LRMDA: variants seen among roughly 807,000 people sequenced by gnomAD.
LRMDA encodes leucine-rich melanocyte differentiation-associated protein.
LRMDA carries 18 observed loss-of-function variants against 29.8 expected under a neutral mutation model. The ratio of observed to expected loss-of-function variants is 0.60; its 90% CI spans 0.42 to 0.90. The LOEUF (loss-of-function observed/expected upper bound fraction) is 0.90, where lower values mean the gene tolerates loss of function less well. Ranked by LOEUF, LRMDA falls within the 40% of genes least tolerant of loss-of-function variation. LRMDA has a pLI of 0.00. For synonymous variants in LRMDA, 125 were observed against 109.4 expected (o/e 1.14, Z -0.89); for missense variants, 273 against 273.9 (o/e 1.00, Z 0.02).
At chr10:75,705,910 CTG>C (rs1408995365) in intron 2 of LRMDA, among the ~76,000 whole-genome samples, 3 of 152,174 alleles carry the variant, frequency 2.0e-5, no homozygotes, top group African/African-American at 4.8e-5. Flanking sequence ...TACAAAAGCT[CTG>C]TGAAACATAA....
chr10:76,178,720 A>G (rs1381963067), intron 5 of LRMDA, among the ~76,000 whole-genome samples: 1 of 152,216 alleles, frequency 6.6e-6, no homozygotes, highest in East Asian at 1.9e-4. Flanking sequence ...ACAAAACAAT[A>G]TTTCCCTCTG....
At chr10:76,273,038 CTT>C (rs970021615) in intron 5 of LRMDA, among the ~76,000 whole-genome samples, 1 of 152,094 alleles carries the variant, frequency 6.6e-6, no homozygotes, top group Non-Finnish European at 1.5e-5. Flanking sequence ...GGACTAACCA[CTT>C]ATTTTTTTTT....
chr10:75,867,998 T>C (rs1845048194), intron 2 of LRMDA, among the ~76,000 whole-genome samples: 1 of 152,218 alleles, frequency 6.6e-6, no homozygotes, highest in Non-Finnish European at 1.5e-5. Flanking sequence ...ATTCCTCTTT[T>C]GATTTTTTTT....
chr10:76,141,877 G>A (rs995797090), intron 5 of LRMDA, among the ~76,000 whole-genome samples: 5 of 152,024 alleles, frequency 3.3e-5, no homozygotes, highest in South Asian at 2.1e-4. Context: ...TTTCTGTCTC[G>A]TTTTAATTGT....
intron 6 of LRMDA, among the ~76,000 whole-genome samples, chr10:76,494,239 C>T (rs575023469): frequency 2.4e-4 from 36 of 151,604 alleles, no homozygotes; most frequent in African/African-American, 8.5e-4. Flanking sequence ...GGGGAAGTGG[C>T]CATCCTTGTC....
At chr10:75,490,890 C>T (rs1290152492) in intron 2 of LRMDA, among the ~76,000 whole-genome samples, 2 of 152,166 alleles carry the variant, frequency 1.3e-5, no homozygotes, top group Non-Finnish European at 2.9e-5. Flanking sequence ...GTTTAGGTCA[C>T]ACTGGCAATG....
intron 6 of LRMDA, among the ~76,000 whole-genome samples, chr10:76,426,617 T>C (rs1842128897): frequency 1.3e-5 from 2 of 152,244 alleles, no homozygotes; most frequent in Non-Finnish European, 2.9e-5. Flanking sequence ...TTAGATCCCA[T>C]TTGTCAATTT....
intron 5 of LRMDA, among the ~76,000 whole-genome samples, chr10:76,284,463 C>CT (rs1840245919): frequency 6.6e-6 from 1 of 152,064 alleles, no homozygotes; most frequent in Admixed American, 6.6e-5. Context: ...TCTATAGGGC[C>CT]TTTTTCAGAC....
intron 6 of LRMDA, among the ~76,000 whole-genome samples, chr10:76,533,025 G>A (rs1248185705): frequency 6.6e-6 from 1 of 152,012 alleles, no homozygotes; most frequent in Non-Finnish European, 1.5e-5. Context: ...TATTTTCATA[G>A]TTGTAATAAC....
chr10:76,187,044 A>C (rs2132216426), intron 5 of LRMDA, among the ~76,000 whole-genome samples: 1 of 152,220 alleles, frequency 6.6e-6, no homozygotes, highest in African/African-American at 2.4e-5. Flanking sequence ...GACATTCTTC[A>C]CTACTCCCAG....
Position 75,985,838 on chromosome 10 carries a change from G to A in LRMDA, c.132-50170G>A, listed in dbSNP as rs1323079. The stretch of plus-strand genomic sequence containing the variant: ...CCGCCAAAGGAAGATGCGATGAAGC[G>A]AAAAGGGGTCCTGGAGAAGAGCTGT... On this transcript the variant is annotated intron_variant, in intron 2 of 6. Transcript: ENST00000611255. 3.1e-3 allele frequency among the ~76,000 whole-genome samples: 469 copies of A among 152,328 alleles called. 2 individuals carry two copies. Among genetic ancestry groups the A allele is most frequent in the African/African-American group, 0.011 (442 of 41,576 alleles).
chr10:76,428,740 G>A (rs770640243), intron 6 of LRMDA, among the ~76,000 whole-genome samples: 14 of 152,166 alleles, frequency 9.2e-5, no homozygotes, highest in Non-Finnish European at 1.8e-4. Context: ...CTTCTAGCAC[G>A]TGGCTGCTGG....
At chr10:75,912,064 G>A (rs957362793) in intron 2 of LRMDA, among the ~76,000 whole-genome samples, 3 of 152,124 alleles carry the variant, frequency 2.0e-5, no homozygotes, top group Non-Finnish European at 2.9e-5. Flanking sequence ...TCATGGGGGT[G>A]ACTTTGAGGC....
chr10:76,353,332 G>GTT (rs72155926), intron 6 of LRMDA, among the ~76,000 whole-genome samples: 1 of 147,518 alleles, frequency 6.8e-6, no homozygotes, highest in Non-Finnish European at 1.5e-5. Context: ...CTGTGGAGTT[G>GTT]TGTGTGTGTG....
chr10:76,327,861 A>C (rs893332536), intron 6 of LRMDA, among the ~76,000 whole-genome samples: 4 of 152,238 alleles, frequency 2.6e-5, no homozygotes, highest in African/African-American at 9.6e-5. Context: ...TCATTACCAG[A>C]AAGCATTTAG....
intron 2 of LRMDA, among the ~76,000 whole-genome samples, chr10:75,690,084 ATATGTTC>A (rs1350583750): frequency 1.3e-5 from 2 of 152,072 alleles, no homozygotes; most frequent in East Asian, 3.9e-4. Flanking sequence ...GTAGCTACTG[ATATGTTC>A]TATTCTGTAT....
intron 6 of LRMDA, among the ~76,000 whole-genome samples, chr10:76,542,450 C>T (rs771047668): frequency 3.9e-5 from 6 of 152,036 alleles, no homozygotes; most frequent in Non-Finnish European, 7.4e-5. Flanking sequence ...GATACACTGC[C>T]GTGATGAGAT....
At chr10:76,018,765 G>C (rs12251430) in intron 2 of LRMDA, among the ~76,000 whole-genome samples, 1 of 151,894 alleles carries the variant, frequency 6.6e-6, no homozygotes, top group Non-Finnish European at 1.5e-5. Context: ...ACAGGGTTTC[G>C]CCATGTTGGC....
At chr10:75,450,379 A>AT (rs1205474378) in intron 2 of LRMDA, 3 of 151,794 alleles carry the variant, frequency 2.0e-5, no homozygotes, top group Non-Finnish European at 4.4e-5. Context: ...ACAGAACCCA[A>AT]TTTTTCAGTC....
Sources: gnomAD v4.1 joint callset for allele counts (sites outside exome capture counted in the v4.1 genomes callset) on GRCh38, gnomAD v4.1.1 for gene constraint, MANE v1.5 for transcripts, NCBI Gene and HGNC (gene_info 2026-07-23, HGNC 2026-07-21) for gene names.